The following COL23A1 variants were observed in gnomAD, a reference collection of about 807,000 sequenced individuals.
COL23A1 encodes the protein collagen type XXIII alpha 1 chain, also known as collagen alpha-1(XXIII) chain.
In COL23A1, 97 loss-of-function variants were observed where a neutral mutation model predicts 99.3. The observed-to-expected ratio is 0.98, with a 90% CI of 0.83 to 1.16. The LOEUF is 1.16. COL23A1 is among the 50% of genes most tolerant of loss of function. The pLI, the probability that COL23A1 is intolerant of heterozygous loss-of-function variation, is 0.00. For synonymous variants in COL23A1, 320 were observed against 308.2 expected (o/e 1.04, Z -0.40); for missense variants, 762 against 757.4 (o/e 1.01, Z -0.07).
chr5:178,404,263 C>A (rs963840323), intron 2 of COL23A1, among the ~76,000 whole-genome samples: 1 of 152,208 alleles, frequency 6.6e-6, no homozygotes, highest in Non-Finnish European at 1.5e-5. Context: ...TGCTCAATCG[C>A]AATCACTGCC....
At chr5:178,431,573 G>C (rs1766267599) in intron 2 of COL23A1, among the ~76,000 whole-genome samples, 1 of 152,234 alleles carries the variant, frequency 6.6e-6, no homozygotes, top group Non-Finnish European at 1.5e-5. Context: ...AGAGAAGTAG[G>C]CGATGTGGCC....
chr5:178,440,852 G>C (rs1050322316), intron 2 of COL23A1, among the ~76,000 whole-genome samples: 2 of 152,064 alleles, frequency 1.3e-5, no homozygotes, highest in African/African-American at 4.8e-5. Context: ...CCTGACCTCA[G>C]GTGATCCACC....
intron 2 of COL23A1, among the ~76,000 whole-genome samples, chr5:178,491,045 A>G (rs564828361): frequency 6.6e-6 from 1 of 151,858 alleles, no homozygotes; most frequent in African/African-American, 2.4e-5. Flanking sequence ...AAGAGAGAAG[A>G]GAGAGGAGAG....
chr5:178,267,010 T>TC lies in COL23A1; in HGVS notation c.522+296dup, dbSNP rs151181219. Among the ~76,000 whole-genome samples the TC allele has an allele frequency of 5.4e-3, 828 of 152,308 alleles. 8 individuals are homozygous for TC. The highest frequency in any genetic ancestry group is 0.019 in the African/African-American group (800 of 41,588). ...TTCCCTCTTTTTGGGGTGCCAGCTG[T>TC]CCTCAGGACGCTGTCTCCAGTCTGG... On this transcript the variant is annotated intron_variant, in intron 8 of 28. Transcript: ENST00000390654.
At chr5:178,531,714 C>T (rs1363945837) in intron 2 of COL23A1, among the ~76,000 whole-genome samples, 1 of 152,200 alleles carries the variant, frequency 6.6e-6, no homozygotes, top group Non-Finnish European at 1.5e-5. Context: ...TTGCCAAAAA[C>T]CATGTAACTG....
chr5:178,241,016 C>T lies in COL23A1; in HGVS notation c.1581+1026G>A, dbSNP rs115386916. The stretch of plus-strand genomic sequence containing the variant: ...AGCACTCTGGGAGGCTAAGGTGGGA[C>T]AATCGCTTGAGCCCAGACCAGCCTG... On this transcript the variant is annotated intron_variant, in intron 27 of 28. Coordinates refer to ENST00000390654, the MANE Select transcript of COL23A1 (RefSeq NM_173465.4). Among the ~76,000 whole-genome samples the T allele has an allele frequency of 9.4e-3, 1,427 of 152,272 alleles. 21 individuals carry two copies. The highest frequency in any genetic ancestry group is 0.033 in the African/African-American group (1,376 of 41,558).
chr5:178,496,359 G>A (rs1009076591), intron 2 of COL23A1, among the ~76,000 whole-genome samples: 6 of 152,174 alleles, frequency 3.9e-5, no homozygotes, highest in African/African-American at 1.4e-4. Flanking sequence ...GTTCAGAACA[G>A]TCTGGACACA....
chr5:178,590,095 C>A lies in COL23A1; in HGVS notation c.103G>T (p.Ala35Ser). ...AGCAGCAGGCACAGCGCGCTCACCG[C>A]CCGGGACCCGGCCGTCGTCGCCGAG... Reference protein sequence around the residue: ...GRSATTAGSRAVSALCLLLSV... With the variant: ...GRSATTAGSRSVSALCLLLSV... Residue 35 changes from alanine to serine, a missense_variant, in exon 1 of 29, where the codon GCG becomes TCG. Physicochemically the swap from Ala to Ser is moderately conservative, Grantham distance 99. Transcript: ENST00000390654. The surrounding 1 kb of genome is among the most constrained non-coding windows in gnomAD (Gnocchi z 5.7). 1 of 1,281,372 alleles carries A rather than the reference C, an allele frequency of 7.8e-7. No individual in the cohort carries two copies. Among genetic ancestry groups the A allele is most frequent in the Non-Finnish European group, 9.9e-7 (1 of 1,012,834 alleles). 79.4% of individuals were successfully genotyped at this position (1,281,372 alleles called of 1,614,324 possible).
chr5:178,441,976 G>A (rs546549812), intron 2 of COL23A1, among the ~76,000 whole-genome samples: 1 of 152,092 alleles, frequency 6.6e-6, no homozygotes, highest in Non-Finnish European at 1.5e-5. Flanking sequence ...TCATGCCTCA[G>A]TTTCCCTGCC....
chr5:178,330,973 C>T (rs1759984836), intron 2 of COL23A1, among the ~76,000 whole-genome samples: 1 of 152,262 alleles, frequency 6.6e-6, no homozygotes, highest in Non-Finnish European at 1.5e-5. Flanking sequence ...CCTGTCCTGG[C>T]TCATTGCATG....
rs190414767 is a variant in COL23A1 at position 178,530,924 on chromosome 5, G to A, written c.361+29758C>T. 1.8e-4 allele frequency among the ~76,000 whole-genome samples: 27 copies of A among 152,334 alleles called. No individual in the cohort carries two copies. The East Asian group carries it at 5.2e-3, about 29-fold the overall frequency. On this transcript the variant is annotated intron_variant, in intron 2 of 28. Coordinates refer to ENST00000390654, the MANE Select transcript of COL23A1 (RefSeq NM_173465.4). The stretch of plus-strand genomic sequence containing the variant: ...CTCTTGTCGCCCAGGCTGGAGTACA[G>A]TGGTGCGATCTCAGCTCATTGCAAC...
At chr5:178,375,631 C>T (rs750730307) in intron 2 of COL23A1, among the ~76,000 whole-genome samples, 58 of 152,224 alleles carry the variant, frequency 3.8e-4, no homozygotes, top group African/African-American at 1.3e-3. Context: ...ACCAGGCAAA[C>T]GCTTGCTCAC....
intron 2 of COL23A1, among the ~76,000 whole-genome samples, chr5:178,527,164 G>C (rs1760354434): frequency 6.6e-6 from 1 of 152,132 alleles, no homozygotes; most frequent in Non-Finnish European, 1.5e-5. Flanking sequence ...GGCTCAGGGA[G>C]GCAGCAAGGC....
intron 9 of COL23A1, 39 bp downstream of exon 9, chr5:178,263,169 G>C: frequency 6.8e-7 from 1 of 1,468,494 alleles, no homozygotes; most frequent in Non-Finnish European, 9.5e-7. Flanking sequence ...TGGGGTTTTG[G>C]TCAAGTCCTG....
chr5:178,370,958 T>C (rs978925292), intron 2 of COL23A1, among the ~76,000 whole-genome samples: 10 of 152,148 alleles, frequency 6.6e-5, no homozygotes, highest in African/African-American at 2.4e-4. Flanking sequence ...AAAAGATCTA[T>C]TGTATAACAT....
chr5:178,270,372 CGAGA>C lies in COL23A1; in HGVS notation c.442-13_442-10del, dbSNP rs371948521. ...TCCAAACCCAGGGGTCCCTGGAAAA[CGAGA>C]GAGAGAGAACACAGGTTACACACGG... is the stretch of plus-strand genomic sequence containing the variant. On this transcript the variant is annotated splice_polypyrimidine_tract_variant and intron_variant, in intron 5 of 28. Transcript: ENST00000390654. 2.5e-6 allele frequency: 4 copies of C among 1,613,448 alleles called. No homozygotes were observed. Among genetic ancestry groups the C allele is most frequent in the East Asian group, 2.2e-5 (1 of 44,862 alleles).
chr5:178,531,039 G>C (rs1229952995), intron 2 of COL23A1, among the ~76,000 whole-genome samples: 1 of 152,064 alleles, frequency 6.6e-6, no homozygotes, highest in Non-Finnish European at 1.5e-5. Flanking sequence ...GGCTAATTTT[G>C]TATTTTTTAG....
intron 2 of COL23A1, among the ~76,000 whole-genome samples, chr5:178,316,345 T>G (rs1468015018): frequency 6.6e-6 from 1 of 152,170 alleles, no homozygotes; most frequent in African/African-American, 2.4e-5. Context: ...ATGAAAAACG[T>G]AAGGTTGGAA....
At position 178,467,632 on chromosome 5, in the gene COL23A1, T is replaced by C. The variant is rs555466068; in HGVS notation, c.361+93050A>G. ...TAGGTCTCTCAAGCTTGCAGCTGTGTGTTGCCAAATCCCCACCCCACGGCA... is the reference window on the plus strand; with the variant it reads ...TAGGTCTCTCAAGCTTGCAGCTGTGCGTTGCCAAATCCCCACCCCACGGCA... On this transcript the variant is annotated intron_variant, in intron 2 of 28. Coordinates refer to ENST00000390654, the MANE Select transcript of COL23A1 (RefSeq NM_173465.4). Among the ~76,000 whole-genome samples the C allele has an allele frequency of 2.8e-4, 43 of 152,314 alleles. 1 individual carries two copies. Among genetic ancestry groups the C allele is most frequent in the South Asian group, 1.0e-3 (5 of 4,822 alleles).
Sources: gnomAD v4.1 joint callset for allele counts (sites outside exome capture counted in the v4.1 genomes callset) on GRCh38, gnomAD v4.1.1 for gene constraint, Gnocchi (gnomAD v3.1) non-coding constraint, MANE v1.5 for transcripts, NCBI Gene and HGNC (gene_info 2026-07-23, HGNC 2026-07-21) for gene names.